KCNMB2: variants seen among roughly 807,000 people sequenced by gnomAD.
KCNMB2 encodes the protein potassium calcium-activated channel subfamily M regulatory beta subunit 2, also known as calcium-activated potassium channel subunit beta-2.
In KCNMB2, 9 loss-of-function variants were observed where a neutral mutation model predicts 24.5. The observed-to-expected ratio is 0.37, with a 90% CI of 0.22 to 0.64. The LOEUF is 0.64. KCNMB2 is among the 30% of genes least tolerant of loss of function. The pLI, the probability that KCNMB2 is intolerant of heterozygous loss-of-function variation, is 0.63. For missense variants in KCNMB2, 226 were observed against 284.3 expected, an observed-to-expected ratio of 0.79 and a Z score of 1.47; for synonymous variants, 109 against 104.4, an observed-to-expected ratio of 1.04 and a Z score of -0.27.
chr3:178,548,967 A>G (rs1332614796), intron 1 of KCNMB2, among the ~76,000 whole-genome samples: 4 of 152,220 alleles, frequency 2.6e-5, no homozygotes, highest in African/African-American at 9.6e-5. Context: ...TATGTCACTT[A>G]CTTTATAGAA....
chr3:178,708,436 C>A (rs938710779), intron 1 of KCNMB2, among the ~76,000 whole-genome samples: 1 of 152,092 alleles, frequency 6.6e-6, no homozygotes, highest in Non-Finnish European at 1.5e-5. Flanking sequence ...GGGTAAAATG[C>A]TATTGTTTAC....
At chr3:178,710,269 C>T (rs1198117504) in intron 1 of KCNMB2, among the ~76,000 whole-genome samples, 1 of 152,162 alleles carries the variant, frequency 6.6e-6, no homozygotes, top group Admixed American at 6.6e-5. Flanking sequence ...ATTCTCAGAG[C>T]AAGGCCTTTT....
chr3:178,714,463 G>A (rs950464106), intron 1 of KCNMB2, among the ~76,000 whole-genome samples: 1 of 152,200 alleles, frequency 6.6e-6, no homozygotes, highest in Non-Finnish European at 1.5e-5. Flanking sequence ...AAGTGACTTT[G>A]CACTAGGTCT....
chr3:178,615,174 C>T (rs557741431), intron 1 of KCNMB2, among the ~76,000 whole-genome samples: 1 of 152,210 alleles, frequency 6.6e-6, no homozygotes, highest in African/African-American at 2.4e-5. Context: ...TGGAGTGACA[C>T]ACACACCCCT....
chr3:178,672,429 C>T (rs1720931415), intron 1 of KCNMB2, among the ~76,000 whole-genome samples: 1 of 152,162 alleles, frequency 6.6e-6, no homozygotes, highest in Admixed American at 6.5e-5. Context: ...CTGTAAGTAA[C>T]AAATATCTAT....
At chr3:178,754,464 A>C (rs1455738393) in intron 1 of KCNMB2, among the ~76,000 whole-genome samples, 1 of 152,046 alleles carries the variant, frequency 6.6e-6, no homozygotes, top group Non-Finnish European at 1.5e-5. Context: ...ACATCTAATA[A>C]ATGTTTGCTA....
In KCNMB2 at chr3:178,630,322, G is replaced by GT. The variant is rs140767780; in HGVS notation, c.-68+93612dup. Among the ~76,000 whole-genome samples, 1,180 of 152,308 alleles carry GT rather than the reference G, an allele frequency of 7.7e-3. 15 individuals are homozygous for GT. Among genetic ancestry groups the GT allele is most frequent in the African/African-American group, 0.027 (1,141 of 41,560 alleles). ...GCATACAATCTAAATTAAAATGTGTGTGAACACAAAATCATCTTCGAAATA... is the reference window on the plus strand; with the variant it reads ...GCATACAATCTAAATTAAAATGTGTGTTGAACACAAAATCATCTTCGAAATA... On this transcript the variant is annotated intron_variant, in intron 1 of 4. Transcript: ENST00000452583.
At chr3:178,758,039 T>TACACACAAAAGG (rs1724230950) in intron 1 of KCNMB2, among the ~76,000 whole-genome samples, 2 of 1,586 alleles carry the variant, frequency 1.3e-3, no homozygotes, top group South Asian at 0.083. Context: ...TATATATATA[T>TACACACAAAAGG]ATCTAGATAT....
At chr3:178,632,668 C>T (rs776516969) in intron 1 of KCNMB2, among the ~76,000 whole-genome samples, 3 of 152,132 alleles carry the variant, frequency 2.0e-5, no homozygotes, top group Non-Finnish European at 4.4e-5. Context: ...GGTGAGGACA[C>T]AGCCAAACAA....
chr3:178,723,330 A>G (rs1014297294), intron 1 of KCNMB2, among the ~76,000 whole-genome samples: 7 of 152,142 alleles, frequency 4.6e-5, no homozygotes, highest in African/African-American at 1.4e-4. Context: ...TCTTTACTAT[A>G]TTGAGTCTTA....
intron 1 of KCNMB2, among the ~76,000 whole-genome samples, chr3:178,707,330 C>G (rs778382259): frequency 3.9e-5 from 6 of 152,066 alleles, no homozygotes; most frequent in Admixed American, 2.0e-4. Context: ...ATAAAATATT[C>G]TAAATAAATG....
intron 1 of KCNMB2, among the ~76,000 whole-genome samples, chr3:178,677,087 CAA>C (rs1721095461): frequency 6.6e-6 from 1 of 152,150 alleles, no homozygotes; most frequent in Admixed American, 6.5e-5. Context: ...GCAATTGAAG[CAA>C]AGTCTTCTTC....
At chr3:178,576,532 C>T (rs551011555) in intron 1 of KCNMB2, among the ~76,000 whole-genome samples, 3 of 152,250 alleles carry the variant, frequency 2.0e-5, no homozygotes, top group Admixed American at 2.0e-4. Context: ...AGCCAGGGAG[C>T]CAAGTGGTCT....
intron 1 of KCNMB2, among the ~76,000 whole-genome samples, chr3:178,615,508 C>G (rs1347500453): frequency 6.6e-6 from 1 of 152,218 alleles, no homozygotes; most frequent in South Asian, 2.1e-4. Context: ...TCCTACTCTT[C>G]CCTCCCCTTT....
At chr3:178,692,656 A>G (rs1251654575) in intron 1 of KCNMB2, among the ~76,000 whole-genome samples, 1 of 152,162 alleles carries the variant, frequency 6.6e-6, no homozygotes, top group East Asian at 1.9e-4. Flanking sequence ...ACTCTGTAGT[A>G]TAGTTTGAAG....
intron 1 of KCNMB2, among the ~76,000 whole-genome samples, chr3:178,705,066 C>A (rs1046414083): frequency 6.6e-6 from 1 of 152,028 alleles, no homozygotes; most frequent in Non-Finnish European, 1.5e-5. Context: ...AAGCCAAAAC[C>A]CAGACTCTCT....
At chr3:178,666,956 C>T (rs1474899804) in intron 1 of KCNMB2, among the ~76,000 whole-genome samples, 1 of 152,132 alleles carries the variant, frequency 6.6e-6, no homozygotes, top group African/African-American at 2.4e-5. Flanking sequence ...ACATAACCTA[C>T]ACAAGTTTTC....
At chr3:178,576,283 G>C (rs1222443463) in intron 1 of KCNMB2, among the ~76,000 whole-genome samples, 1 of 152,026 alleles carries the variant, frequency 6.6e-6, no homozygotes, top group South Asian at 2.1e-4. Flanking sequence ...AGCTGTGAGG[G>C]ACTGTGCCAA....
intron 1 of KCNMB2, among the ~76,000 whole-genome samples, chr3:178,798,698 G>A (rs1318713912): frequency 2.0e-5 from 3 of 151,970 alleles, no homozygotes; most frequent in Non-Finnish European, 4.4e-5. Flanking sequence ...CACAGGGAGG[G>A]GAACTACACA....
Sources: allele counts gnomAD v4.1 joint callset (sites outside exome capture counted in the v4.1 genomes callset), GRCh38; gene constraint gnomAD v4.1.1; transcripts MANE v1.5; gene names NCBI Gene and HGNC (gene_info 2026-07-23, HGNC 2026-07-21).